The following SANBR variants were observed in gnomAD, a reference collection of about 807,000 sequenced individuals.
SANBR encodes the protein SANT and BTB domain regulator of CSR.
SANBR carries 77 observed loss-of-function variants against 101.8 expected under a neutral mutation model. The ratio of observed to expected loss-of-function variants is 0.76; its 90% CI spans 0.63 to 0.91. The LOEUF is 0.91. SANBR is among the 40% of genes least tolerant of loss of function. The pLI is 0.00. For missense variants in SANBR, 875 were observed against 853.0 expected, an observed-to-expected ratio of 1.03 and a Z score of -0.32; for synonymous variants, 279 against 274.7, an observed-to-expected ratio of 1.02 and a Z score of -0.15.
In SANBR at chr2:61,122,265, T is replaced by C. The variant is rs563474201; in HGVS notation, c.*103T>C. On this transcript the variant is annotated 3_prime_UTR_variant, in exon 22 of 22. Coordinates refer to ENST00000402291, the MANE Select transcript of SANBR (RefSeq NM_001129993.3). ...AGAACAATGACTTCCAACTGTTTTA[T>C]GTTATTATTATTTTAATCCACATAA... is the stretch of plus-strand genomic sequence containing the variant. 3 of 1,402,722 alleles carry C rather than the reference T, an allele frequency of 2.1e-6. No homozygotes were observed. In the African/African-American group the frequency reaches 4.4e-5, roughly 20 times the overall value. The allele number at this position is 1,402,722 out of a possible 1,614,324, so 86.9% of individuals were successfully genotyped here.
At chr2:61,104,346 G>A (rs1683442453) in intron 13 of SANBR, among the ~76,000 whole-genome samples, 2 of 152,026 alleles carry the variant, frequency 1.3e-5, no homozygotes, top group Non-Finnish European at 2.9e-5. Flanking sequence ...GCCGGGCGTG[G>A]TGGTGGGCAC....
At chr2:61,111,550 CT>C (rs1258117470) in intron 16 of SANBR, among the ~76,000 whole-genome samples, 1 of 152,198 alleles carries the variant, frequency 6.6e-6, no homozygotes, top group Non-Finnish European at 1.5e-5. Context: ...TACAATGTTT[CT>C]TTTCAACAGT....
chr2:61,085,813 C>T (rs1682398095), intron 8 of SANBR, among the ~76,000 whole-genome samples: 1 of 151,996 alleles, frequency 6.6e-6, no homozygotes, highest in Non-Finnish European at 1.5e-5. Context: ...ACCCAGCCAA[C>T]ACACTGTCTT....
chr2:61,081,540 G>T, intron 7 of SANBR, 30 bp downstream of exon 7: 1 of 1,501,022 alleles, frequency 6.7e-7, no homozygotes, highest in Non-Finnish European at 8.8e-7. Context: ...AAATCAAAGT[G>T]CTTCTGTTCA....
rs1573644761 is a variant in SANBR at position 61,106,569 on chromosome 2, T to C, written c.1518T>C (p.Val506=). ...VPFSKDTVSD[V]GVGLCDEKGI... is the part of the protein sequence containing the mutation. ...AATGTCTTTTTCTTTCAAGTGATGT[T>C]GGGGTTGGCCTCTGTGATGAAAAGG... The change falls in exon 14 of 22, where the codon GTT becomes GTC. Residue 506 remains valine, a synonymous_variant. Coordinates refer to ENST00000402291, the MANE Select transcript of SANBR (RefSeq NM_001129993.3). 2 of 1,590,216 alleles carry C rather than the reference T, an allele frequency of 1.3e-6. No individual in the cohort carries two copies. The highest frequency in any genetic ancestry group is 2.3e-5 in the South Asian group (2 of 85,644).
At position 61,070,485 on chromosome 2, in the gene SANBR, A is replaced by G; in HGVS notation, c.135A>G (p.Gly45=). The change falls in exon 3 of 22, where the codon GGA becomes GGG. Residue 45 remains glycine (G), a synonymous_variant. Coordinates refer to ENST00000402291, the MANE Select transcript of SANBR (RefSeq NM_001129993.3). The part of the protein sequence containing the change: ...NWETIARLVP[G]LTPKECAKRF... ...AAACTATAGCAAGGCTCGTGCCTGG[A>G]TTAACACCAAAAGAGGTAAATAACA... 1 of 1,606,952 alleles carries G rather than the reference A, an allele frequency of 6.2e-7. No homozygotes were observed. The highest frequency in any genetic ancestry group is 1.1e-5 in the South Asian group (1 of 89,440).
intron 11 of SANBR, among the ~76,000 whole-genome samples, chr2:61,095,898 A>G (rs959578400): frequency 6.6e-6 from 1 of 152,136 alleles, no homozygotes; most frequent in Non-Finnish European, 1.5e-5. Context: ...CCCAACAGCT[A>G]TTAATGGTAT....
intron 12 of SANBR, 74 bp from the exon 13 acceptor site, chr2:61,103,779 A>G: frequency 1.4e-6 from 2 of 1,403,202 alleles, no homozygotes; most frequent in Non-Finnish European, 2.0e-6. Flanking sequence ...TTGGCAAAGA[A>G]AAGAAAAACA....
intron 21 of SANBR, among the ~76,000 whole-genome samples, chr2:61,135,079 A>G (rs549989786): frequency 6.6e-6 from 1 of 152,254 alleles, no homozygotes; most frequent in East Asian, 1.9e-4. Flanking sequence ...AATCCCAGCT[A>G]CTCAGGAAGC....
At chr2:61,108,086 A>G (rs577857166) in intron 14 of SANBR, among the ~76,000 whole-genome samples, 1 of 152,292 alleles carries the variant, frequency 6.6e-6, no homozygotes, top group East Asian at 1.9e-4. Context: ...TGTCCTTTGG[A>G]AATAATACTG....
At chr2:61,125,665 A>G (rs930225900), downstream of SANBR, among the ~76,000 whole-genome samples, 3 of 152,228 alleles carry the variant, frequency 2.0e-5, no homozygotes, top group Non-Finnish European at 1.5e-5. Flanking sequence ...CTATTTGTTC[A>G]TGAACACAGC....
intron 15 of SANBR, 103 bp downstream of exon 15, chr2:61,108,452 A>C (rs1490159436): frequency 2.9e-6 from 2 of 687,238 alleles, no homozygotes; most frequent in Non-Finnish European, 4.8e-6. Flanking sequence ...AATTTTAGTT[A>C]AATGTACATC....
In SANBR at chr2:61,099,399, C is replaced by G. The variant is rs114995952; in HGVS notation, c.1365+1547C>G. ...ATTTAAGAGATAAAACTGAAATTAC[C>G]TGACAGATTGTATTACAGAGGGAGA... is the stretch of plus-strand genomic sequence containing the variant. On this transcript the variant is annotated intron_variant, in intron 12 of 21. Coordinates refer to ENST00000402291, the MANE Select transcript of SANBR (RefSeq NM_001129993.3). Among the ~76,000 whole-genome samples, 441 of 152,236 alleles carry G rather than the reference C, an allele frequency of 2.9e-3. 3 individuals carry two copies. The highest frequency in any genetic ancestry group is 8.9e-3 in the African/African-American group (368 of 41,534).
At chr2:61,082,898 T>A (rs961324352) in intron 7 of SANBR, among the ~76,000 whole-genome samples, 3 of 152,172 alleles carry the variant, frequency 2.0e-5, no homozygotes, top group African/African-American at 7.2e-5. Flanking sequence ...TTTTAAAAGA[T>A]GCATTATTAT....
chr2:61,067,733 C>T (rs989354677), intron 1 of SANBR, among the ~76,000 whole-genome samples: 1 of 151,444 alleles, frequency 6.6e-6, no homozygotes, highest in Non-Finnish European at 1.5e-5. Flanking sequence ...AGCGCCACTC[C>T]GTCTTAACAA....
At chr2:61,137,136 G>T (rs1215047929) in intron 21 of SANBR, among the ~76,000 whole-genome samples, 1 of 151,912 alleles carries the variant, frequency 6.6e-6, no homozygotes. Flanking sequence ...AAATTAGCGG[G>T]GCATGGTGGT....
chr2:61,100,967 G>A (rs1000719896), intron 12 of SANBR, among the ~76,000 whole-genome samples: 1 of 152,174 alleles, frequency 6.6e-6, no homozygotes, highest in African/African-American at 2.4e-5. Context: ...AGATGGGGAT[G>A]ATGAAATTTA....
intron 21 of SANBR, among the ~76,000 whole-genome samples, chr2:61,134,849 G>A (rs1238832177): frequency 3.3e-5 from 5 of 151,474 alleles, no homozygotes; most frequent in Non-Finnish European, 5.9e-5. Flanking sequence ...AGCTGAGATC[G>A]CGCCACTGCA....
chr2:61,134,333 A>G, intron 21 of SANBR: 1 of 1,488,800 alleles, frequency 6.7e-7, no homozygotes, highest in Non-Finnish European at 9.1e-7. Flanking sequence ...ACTTTTAGAA[A>G]TAACTGTATT....
Sources: allele counts gnomAD v4.1 joint callset (sites outside exome capture counted in the v4.1 genomes callset), GRCh38; gene constraint gnomAD v4.1.1; transcripts MANE v1.5; gene names NCBI Gene and HGNC (gene_info 2026-07-23, HGNC 2026-07-21).